Variants in TGFBR3 observed in about 807,000 individuals in gnomAD.
The protein encoded by TGFBR3 is transforming growth factor beta receptor 3.
A neutral mutation model predicts 87.9 loss-of-function variants in TGFBR3; 46 were observed. The ratio of observed to expected loss-of-function variants is 0.52; its 90% CI spans 0.41 to 0.67. TGFBR3 has a LOEUF of 0.67. TGFBR3 is among the 30% of genes least tolerant of loss of function. TGFBR3 has a pLI of 0.00. For missense variants in TGFBR3, 866 were observed against 1,041.9 expected, an observed-to-expected ratio of 0.83 and a Z score of 2.32; for synonymous variants, 381 against 391.6, an observed-to-expected ratio of 0.97 and a Z score of 0.32.
In TGFBR3 at chr1:91,869,975, T is replaced by G. The variant is rs17131582; in HGVS notation, c.-113-8331A>C. Among the ~76,000 whole-genome samples, 1,483 of 152,298 alleles carry G rather than the reference T, an allele frequency of 9.7e-3. 25 individuals carry two copies. The highest frequency in any genetic ancestry group is 0.033 in the African/African-American group (1,381 of 41,548). ...TGGAAATCTGAAATGCATAATTATG[T>G]AAAGGCTAGCAGGAATAACTTCACA... is the stretch of plus-strand genomic sequence containing the variant. On this transcript the variant is annotated intron_variant, in intron 1 of 16. Coordinates refer to ENST00000212355, the MANE Select transcript of TGFBR3 (RefSeq NM_003243.5).
intron 14 of TGFBR3, among the ~76,000 whole-genome samples, chr1:91,699,064 G>C (rs974692889): frequency 6.6e-6 from 1 of 151,424 alleles, no homozygotes; most frequent in Non-Finnish European, 1.5e-5. Flanking sequence ...TTCCTTTATA[G>C]GGAAAAAAAT....
intron 1 of TGFBR3, among the ~76,000 whole-genome samples, chr1:91,900,562 G>T (rs17884021): frequency 1.3e-5 from 2 of 152,004 alleles, no homozygotes; most frequent in Non-Finnish European, 2.9e-5. Flanking sequence ...GAAATAGCTA[G>T]TTTTTTCTTA....
intron 2 of TGFBR3, among the ~76,000 whole-genome samples, chr1:91,850,732 G>GACTGCACT (rs1002137274): frequency 2.1e-5 from 3 of 140,064 alleles, no homozygotes; most frequent in African/African-American, 8.1e-5. Flanking sequence ...AGTGAGCCAA[G>GACTGCACT]ACTGCACTAC....
intron 2 of TGFBR3, among the ~76,000 whole-genome samples, chr1:91,811,734 A>G (rs773029846): frequency 2.0e-5 from 3 of 152,204 alleles, no homozygotes; most frequent in Non-Finnish European, 4.4e-5. Flanking sequence ...AAAATTTAAA[A>G]CTGGGATAAA....
At chr1:91,845,669 T>C (rs1400066376) in intron 2 of TGFBR3, among the ~76,000 whole-genome samples, 1 of 152,224 alleles carries the variant, frequency 6.6e-6, no homozygotes, top group Admixed American at 6.5e-5. Context: ...CTTTCCTGCA[T>C]GTAGTATACC....
At chr1:91,742,583 C>A (rs1673192930) in intron 4 of TGFBR3, among the ~76,000 whole-genome samples, 1 of 152,210 alleles carries the variant, frequency 6.6e-6, no homozygotes, top group Admixed American at 6.5e-5. Context: ...GTCTTCCCCA[C>A]AACCCAATGA....
At chr1:91,706,846 T>G (rs1571425456) in intron 14 of TGFBR3, among the ~76,000 whole-genome samples, 2 of 152,318 alleles carry the variant, frequency 1.3e-5, no homozygotes, top group Non-Finnish European at 2.9e-5. Flanking sequence ...CCAATTGTGA[T>G]TACTCTGCAA....
At chr1:91,767,960 C>A (rs944333935) in intron 3 of TGFBR3, among the ~76,000 whole-genome samples, 4 of 151,636 alleles carry the variant, frequency 2.6e-5, no homozygotes, top group African/African-American at 7.3e-5. Flanking sequence ...TGCCTGTAAT[C>A]CCAGCACTTT....
intron 2 of TGFBR3, among the ~76,000 whole-genome samples, chr1:91,836,575 C>T (rs1373645955): frequency 6.6e-6 from 1 of 152,114 alleles, no homozygotes; most frequent in African/African-American, 2.4e-5. Flanking sequence ...GCATTTTCCT[C>T]TTAGATTGGG....
At chr1:91,737,058 C>T (rs564780832) in intron 4 of TGFBR3, among the ~76,000 whole-genome samples, 3 of 152,304 alleles carry the variant, frequency 2.0e-5, no homozygotes, top group South Asian at 4.1e-4. Flanking sequence ...GGTGATGGGG[C>T]TGATTCGTGG....
At position 91,683,300 on chromosome 1, in the gene TGFBR3, T is replaced by A. The variant is rs778627082; in HGVS notation, c.*439A>T. On this transcript the variant is annotated 3_prime_UTR_variant, in exon 17 of 17. Transcript: ENST00000212355. ...CTTGTTTTACATCTTGGTTCAGATA[T>A]AAAGAATCTTTGGCCGCATCTCCTC... 1 of 458,964 alleles carries A rather than the reference T, an allele frequency of 2.2e-6. No individual in the cohort carries two copies. 28.4% of individuals were successfully genotyped at this position (458,964 alleles called of 1,614,324 possible).
At chr1:91,785,692 G>A (rs1047757715) in intron 3 of TGFBR3, among the ~76,000 whole-genome samples, 9 of 151,220 alleles carry the variant, frequency 6.0e-5, no homozygotes, top group East Asian at 1.9e-4. Flanking sequence ...TAAGCCCTCC[G>A]TCAAATGTTC....
rs151016095 is a variant in TGFBR3, at chr1:91,708,709, C to T, written c.2241G>A (p.Thr747=). 115 of 1,613,942 alleles carry T rather than the reference C, an allele frequency of 7.1e-5. No homozygotes were observed. The highest frequency in any genetic ancestry group is 8.7e-5 in the Non-Finnish European group (103 of 1,179,970). ...IIWAMMQNKK[T]FTKPLAVIHH... is the part of the protein sequence containing the mutation. The stretch of plus-strand genomic sequence containing the variant: ...GGATCACAGCAAGGGGCTTAGTGAA[C>T]GTCTTCTTATTCTGCATCATGGCCC... The change falls in exon 14 of 17, where the codon ACG becomes ACA. Residue 747 remains threonine, a synonymous_variant. Coordinates refer to ENST00000212355, the MANE Select transcript of TGFBR3 (RefSeq NM_003243.5).
At chr1:91,697,393 G>GA (rs2100720715) in intron 15 of TGFBR3, among the ~76,000 whole-genome samples, 1 of 152,206 alleles carries the variant, frequency 6.6e-6, no homozygotes, top group South Asian at 2.1e-4. Flanking sequence ...CTTAGGAAAG[G>GA]AAAAAAAGCA....
chr1:91,819,316 T>C (rs943687939), intron 2 of TGFBR3, among the ~76,000 whole-genome samples: 3 of 151,406 alleles, frequency 2.0e-5, no homozygotes, highest in African/African-American at 7.3e-5. Context: ...TGCAGTGAGC[T>C]GAGATCGCGC....
intron 1 of TGFBR3, among the ~76,000 whole-genome samples, chr1:91,905,203 T>C (rs1679820490): frequency 6.6e-6 from 1 of 152,184 alleles, no homozygotes; most frequent in Non-Finnish European, 1.5e-5. Flanking sequence ...GAAATGTAGG[T>C]GATTAAGTTG....
chr1:91,686,994 T>C (rs1671109556), intron 16 of TGFBR3, among the ~76,000 whole-genome samples: 1 of 152,004 alleles, frequency 6.6e-6, no homozygotes, highest in South Asian at 2.1e-4. Context: ...TCAAACCACA[T>C]TGAGGGAACA....
chr1:91,877,429 C>T (rs764037177), intron 1 of TGFBR3, among the ~76,000 whole-genome samples: 1 of 152,092 alleles, frequency 6.6e-6, no homozygotes, highest in Non-Finnish European at 1.5e-5. Context: ...CTGGCTCAAG[C>T]CATCCTCCTG....
rs766463714 is a variant in TGFBR3, at chr1:91,682,479, C to G, written c.*1260G>C. On this transcript the variant is annotated 3_prime_UTR_variant, in exon 17 of 17. Transcript: ENST00000212355. ...AGCTGCAAAGTGGCATCATATTATTCCATTTAATGAAATTCACCTCAAGCC... is the reference window on the plus strand; with the variant it reads ...AGCTGCAAAGTGGCATCATATTATTGCATTTAATGAAATTCACCTCAAGCC... The G allele has an allele frequency of 2.3e-6, 1 of 441,310 alleles. No individual in the cohort carries two copies. Among genetic ancestry groups the G allele is most frequent in the African/African-American group, 2.2e-5 (1 of 45,558 alleles). The allele number at this position is 441,310 out of a possible 1,614,324, so 27.3% of individuals were successfully genotyped here.
Sources: allele counts gnomAD v4.1 joint callset (sites outside exome capture counted in the v4.1 genomes callset), GRCh38; gene constraint gnomAD v4.1.1; transcripts MANE v1.5; gene names NCBI Gene and HGNC (gene_info 2026-07-23, HGNC 2026-07-21).